The following DOCK8 variants were observed in gnomAD, a reference collection of about 807,000 sequenced individuals.
DOCK8 encodes the protein dedicator of cytokinesis protein 8.
A neutral mutation model predicts 245.6 loss-of-function variants in DOCK8; 141 were observed. That is an observed-to-expected ratio of 0.57 (90% CI 0.50 to 0.66). The LOEUF (loss-of-function observed/expected upper bound fraction) is 0.66, where lower values mean the gene tolerates loss of function less well. DOCK8 is among the 30% of genes least tolerant of loss of function. The pLI is 0.00. For synonymous variants in DOCK8, 1,168 were observed against 970.2 expected, an observed-to-expected ratio of 1.20 and a Z score of -3.79; for missense variants, 2,965 against 2,603.4, an observed-to-expected ratio of 1.14 and a Z score of -3.02.
chr9:389,741 C>T (rs901594649), intron 23 of DOCK8, among the ~76,000 whole-genome samples: 2 of 152,194 alleles, frequency 1.3e-5, no homozygotes, highest in African/African-American at 2.4e-5. Flanking sequence ...AGAGGCCGGG[C>T]GTAGTGGCTC....
intron 1 of DOCK8, among the ~76,000 whole-genome samples, chr9:257,795 G>C (rs781143747): frequency 9.2e-5 from 14 of 152,222 alleles, no homozygotes; most frequent in Non-Finnish European, 1.6e-4. Flanking sequence ...GGGATTACAG[G>C]CGTGAGCCAC....
intron 28 of DOCK8, among the ~76,000 whole-genome samples, chr9:413,279 T>G (rs1480042362): frequency 2.0e-5 from 3 of 152,108 alleles, no homozygotes; most frequent in Admixed American, 2.0e-4. Context: ...AAGACCTAAA[T>G]GTAAGAGCTA....
rs377334031 is a variant in DOCK8, at chr9:340,261, C to T, written c.1619C>T (p.Pro540Leu). The T allele has an allele frequency of 2.7e-5, 43 of 1,614,028 alleles. No individual in the cohort carries two copies. Among genetic ancestry groups the T allele is most frequent in the South Asian group, 2.1e-4 (19 of 91,086 alleles). Residue 540 changes from proline to leucine, a missense_variant, in exon 14 of 48, where the codon CCG becomes CTG. Around this residue, in one of 3 missense-constraint regions of DOCK8, gnomAD observed 2,825 missense variants for 2,453.5 expected, o/e 1.15. Transcript: ENST00000432829. Reference protein sequence around the residue: ...VKPFPENRTRPHKEILEFPTR... With the variant: ...VKPFPENRTRLHKEILEFPTR... The stretch of plus-strand genomic sequence containing the variant: ...CCCTTTCCTGAAAACCGGACACGCC[C>T]GCACAAAGAGATTTTGGAATTTCCA...
intron 4 of DOCK8, among the ~76,000 whole-genome samples, chr9:304,350 A>G (rs1241868976): frequency 6.6e-6 from 1 of 152,176 alleles, no homozygotes; most frequent in Non-Finnish European, 1.5e-5. Context: ...TTCCCAGGCC[A>G]TGCCTCCCTT....
chr9:233,954 T>G (rs1219944070), intron 1 of DOCK8, among the ~76,000 whole-genome samples: 4 of 152,192 alleles, frequency 2.6e-5, no homozygotes, highest in Non-Finnish European at 5.9e-5. Flanking sequence ...GTTAGCTGGT[T>G]ATTTTGCTGG....
intron 30 of DOCK8, among the ~76,000 whole-genome samples, chr9:419,753 T>C (rs1311073957): frequency 2.0e-5 from 3 of 152,172 alleles, no homozygotes; most frequent in Non-Finnish European, 4.4e-5. Flanking sequence ...CTCAGCACTT[T>C]AAAATGAATA....
chr9:276,591 C>T (rs545141043), intron 2 of DOCK8, among the ~76,000 whole-genome samples: 39 of 152,246 alleles, frequency 2.6e-4, no homozygotes, highest in Non-Finnish European at 5.0e-4. Flanking sequence ...ATTTGACACT[C>T]CTACCAAAAT....
intron 14 of DOCK8, among the ~76,000 whole-genome samples, chr9:347,813 A>T (rs1424869285): frequency 6.6e-6 from 1 of 152,196 alleles, no homozygotes; most frequent in Non-Finnish European, 1.5e-5. Context: ...TAAGAATGAA[A>T]AAATTCAGGA....
chr9:247,181 G>T (rs2047525561), intron 1 of DOCK8, among the ~76,000 whole-genome samples: 1 of 152,062 alleles, frequency 6.6e-6, no homozygotes, highest in Non-Finnish European at 1.5e-5. Context: ...TACATAAATT[G>T]TTATTTACAC....
intron 14 of DOCK8, chr9:365,871 A>G: frequency 3.1e-6 from 1 of 327,534 alleles, no homozygotes; most frequent in South Asian, 2.5e-5. Context: ...CCTGCACCCC[A>G]ACTGTCAACT....
At chr9:400,123 ATCT>A (rs1564012311) in intron 26 of DOCK8, among the ~76,000 whole-genome samples, 22 of 77,026 alleles carry the variant, frequency 2.9e-4, no homozygotes, top group South Asian at 4.0e-4. Context: ...CACCACCAGC[ATCT>A]TCACCATCAC....
chr9:454,052 ATGAC>A lies in DOCK8; in HGVS notation c.6068+1937_6068+1940del, dbSNP rs145746433. On this transcript the variant is annotated intron_variant, in intron 46 of 47. Transcript: ENST00000432829. Reference sequence around the variant, plus strand: ...GCAGCATATGCACAGAACTTTAAGAATGACTAACTACAGGACTATAAAGATCAGA... The same window carrying A: ...GCAGCATATGCACAGAACTTTAAGAATAACTACAGGACTATAAAGATCAGA... Among the ~76,000 whole-genome samples, 900 of 152,348 alleles carry A rather than the reference ATGAC, an allele frequency of 5.9e-3. 9 individuals carry two copies. The highest frequency in any genetic ancestry group is 0.021 in the African/African-American group (853 of 41,590).
rs1317030881 is a variant in DOCK8 at position 376,349 on chromosome 9, A to G, written c.2205+44A>G. The stretch of plus-strand genomic sequence containing the variant: ...AATCATGAAGGTAAAGGTGCAGCGG[A>G]GGAGCCTTTGAAGGACAGGCCAATA... On this transcript the variant is annotated intron_variant, in intron 19 of 47. Transcript: ENST00000432829. 2.2e-6 allele frequency: 3 copies of G among 1,368,644 alleles called. No homozygotes were observed. The African/African-American group carries it at 4.3e-5, about 20-fold the overall frequency. The allele number at this position is 1,368,644 out of a possible 1,614,324, so 84.8% of individuals were successfully genotyped here.
At chr9:346,756 C>G (rs944656266) in intron 14 of DOCK8, among the ~76,000 whole-genome samples, 1 of 152,168 alleles carries the variant, frequency 6.6e-6, no homozygotes, top group Non-Finnish European at 1.5e-5. Flanking sequence ...TTAAGGAGTA[C>G]TACCCACCTT....
At chr9:215,409 C>G in intron 1 of DOCK8, 2 of 1,535,834 alleles carry the variant, frequency 1.3e-6, no homozygotes, top group Non-Finnish European at 1.7e-6. Flanking sequence ...ACGGCTCCTT[C>G]CTTTGAGGCA....
chr9:260,552 CT>C (rs1216033809), intron 1 of DOCK8, among the ~76,000 whole-genome samples: 1 of 152,216 alleles, frequency 6.6e-6, no homozygotes, highest in African/African-American at 2.4e-5. Flanking sequence ...TACACAAACA[CT>C]TTCACCCAGC....
intron 2 of DOCK8, among the ~76,000 whole-genome samples, chr9:272,064 T>G (rs2048179572): frequency 6.6e-6 from 1 of 152,238 alleles, no homozygotes; most frequent in Non-Finnish European, 1.5e-5. Context: ...GTATGCATTT[T>G]TTTGGAAAAG....
At position 220,131 on chromosome 9, in the gene DOCK8, G is replaced by A. The variant is rs558476354; in HGVS notation, c.53+5102G>A. Among the ~76,000 whole-genome samples the A allele has an allele frequency of 2.4e-4, 37 of 152,316 alleles. No homozygotes were observed. In the South Asian group the frequency reaches 7.7e-3, roughly 32 times the overall value. ...CTTTCAGGAATTGCTTTATTTGTCT[G>A]ATGTGTTCTAGACCAAAGACCAACA... On this transcript the variant is annotated intron_variant, in intron 1 of 47. Coordinates refer to ENST00000432829, the MANE Select transcript of DOCK8 (RefSeq NM_203447.4).
At chr9:434,105 AG>A in intron 38 of DOCK8, 130 bp downstream of exon 38, 1 of 722,364 alleles carries the variant, frequency 1.4e-6, no homozygotes, top group East Asian at 2.7e-5. Context: ...AATAATATAT[AG>A]AAATTAAACA....
Sources: gnomAD v4.1 joint callset for allele counts (sites outside exome capture counted in the v4.1 genomes callset) on GRCh38, gnomAD v4.1.1 for gene constraint, gnomAD v4.1.1 regional missense constraint, MANE v1.5 for transcripts, NCBI Gene and HGNC (gene_info 2026-07-23, HGNC 2026-07-21) for gene names.